Variants in MAPKAP1 observed in about 807,000 individuals in gnomAD.
The protein encoded by MAPKAP1 is target of rapamycin complex 2 subunit MAPKAP1.
A neutral mutation model predicts 65.7 loss-of-function variants in MAPKAP1; 20 were observed. The ratio of observed to expected loss-of-function variants is 0.30; its 90% CI spans 0.21 to 0.44. The LOEUF is 0.44. Ranked by LOEUF, MAPKAP1 falls within the 20% of genes least tolerant of loss-of-function variation. The probability of loss-of-function intolerance (pLI) is 1.00; values close to 1 mark genes in which losing one functional copy is unlikely to be tolerated. For missense variants in MAPKAP1, 423 were observed against 648.0 expected (o/e 0.65, Z 3.77); for synonymous variants, 222 against 244.3 (o/e 0.91, Z 0.85).
intron 7 of MAPKAP1, among the ~76,000 whole-genome samples, chr9:125,523,718 T>C (rs1303633922): frequency 6.6e-6 from 1 of 152,340 alleles, no homozygotes; most frequent in East Asian, 1.9e-4. Flanking sequence ...ATTTTGACAA[T>C]GGGATTTTTA....
chr9:125,629,845 A>G (rs2131681815), intron 4 of MAPKAP1, among the ~76,000 whole-genome samples: 1 of 152,340 alleles, frequency 6.6e-6, no homozygotes, highest in East Asian at 1.9e-4. Flanking sequence ...TACTAGTCGA[A>G]GCAGACAAGG....
chr9:125,637,327 C>T (rs1409393083), intron 4 of MAPKAP1, among the ~76,000 whole-genome samples: 7 of 151,500 alleles, frequency 4.6e-5, no homozygotes, highest in Non-Finnish European at 8.8e-5. Context: ...GATGCACAAG[C>T]GCAGAAGGAA....
chr9:125,648,538 T>C (rs1341766205), intron 4 of MAPKAP1, among the ~76,000 whole-genome samples: 1 of 152,232 alleles, frequency 6.6e-6, no homozygotes, highest in Non-Finnish European at 1.5e-5. Flanking sequence ...AGGAACTGCA[T>C]GGCCAGGACT....
chr9:125,549,757 A>G (rs541442642), intron 6 of MAPKAP1, among the ~76,000 whole-genome samples: 2 of 152,288 alleles, frequency 1.3e-5, no homozygotes, highest in African/African-American at 4.8e-5. Context: ...AGAAAAGAAA[A>G]TAAGACACAG....
chr9:125,561,176 A>C (rs193265473), intron 5 of MAPKAP1, among the ~76,000 whole-genome samples: 3 of 152,264 alleles, frequency 2.0e-5, no homozygotes, highest in Non-Finnish European at 1.5e-5. Flanking sequence ...TTTTGAATTA[A>C]ATGAGTTGAT....
chr9:125,595,375 T>A lies in MAPKAP1; in HGVS notation c.499-9648A>T. ...CTAATACACAGAATGTGAACAGATA[T>A]AGAATTGAAATGTATGTATTTGAAC... On this transcript the variant is annotated intron_variant, in intron 4 of 11. Transcript: ENST00000265960. This position sits in a 1 kb window ranked among gnomAD's most constrained non-coding sequence, Gnocchi z 4.0. The A allele has an allele frequency of 1.6e-5, 4 of 256,224 alleles. No individual in the cohort carries two copies. Among genetic ancestry groups the A allele is most frequent in the Non-Finnish European group, 2.5e-5 (4 of 159,306 alleles). 15.9% of individuals were successfully genotyped at this position (256,224 alleles called of 1,614,324 possible). A position where few individuals can be genotyped will look rare whatever the true frequency, so the allele number is the denominator to read the frequency against.
chr9:125,516,809 T>C (rs1386176996), intron 7 of MAPKAP1, among the ~76,000 whole-genome samples: 1 of 152,238 alleles, frequency 6.6e-6, no homozygotes, highest in Non-Finnish European at 1.5e-5. Flanking sequence ...TGTAACACAA[T>C]GCCTAGCACA....
chr9:125,666,054 T>C (rs1834331706), intron 3 of MAPKAP1, among the ~76,000 whole-genome samples: 1 of 152,334 alleles, frequency 6.6e-6, no homozygotes, highest in Non-Finnish European at 1.5e-5. Context: ...TAATAACTAA[T>C]TATGTACAGA....
Position 125,539,938 on chromosome 9 carries a change from T to C in MAPKAP1, c.958+3121A>G, listed in dbSNP as rs537122419. Among the ~76,000 whole-genome samples, 28 of 152,300 alleles carry C rather than the reference T, an allele frequency of 1.8e-4. No homozygotes were observed. The South Asian group carries it at 5.0e-3, about 27-fold the overall frequency. On this transcript the variant is annotated intron_variant, in intron 7 of 11. Transcript: ENST00000265960. ...AAATAGACCTTAGCAGAGAATTGAC[T>C]GAAACATACTGTGAAAAGACTACTA...
chr9:125,525,907 A>G (rs1209346215), intron 7 of MAPKAP1, among the ~76,000 whole-genome samples: 1 of 152,194 alleles, frequency 6.6e-6, no homozygotes, highest in Non-Finnish European at 1.5e-5. Context: ...TAGAGGAAGC[A>G]TGATCTTCTG....
At chr9:125,650,835 C>T (rs750631226) in intron 4 of MAPKAP1, among the ~76,000 whole-genome samples, 2 of 152,270 alleles carry the variant, frequency 1.3e-5, no homozygotes, top group South Asian at 2.1e-4. Flanking sequence ...TAACTCATTA[C>T]GAACTGACCA....
At chr9:125,479,400 GGAAACCCC>G (rs1854224088) in intron 9 of MAPKAP1, among the ~76,000 whole-genome samples, 1 of 152,026 alleles carries the variant, frequency 6.6e-6, no homozygotes, top group African/African-American at 2.4e-5. Flanking sequence ...ACCAACACGG[GGAAACCCC>G]GTCTCTACTA....
At chr9:125,502,225 C>G (rs894253208) in intron 8 of MAPKAP1, among the ~76,000 whole-genome samples, 3 of 152,072 alleles carry the variant, frequency 2.0e-5, no homozygotes, top group African/African-American at 4.8e-5. Context: ...CCTCAGCCCC[C>G]CTAGCAGCTG....
intron 7 of MAPKAP1, among the ~76,000 whole-genome samples, chr9:125,524,310 T>C (rs1829702584): frequency 6.6e-6 from 1 of 152,208 alleles, no homozygotes; most frequent in African/African-American, 2.4e-5. Flanking sequence ...TATCTCTAAG[T>C]GGGGAATGAT....
chr9:125,469,130 T>C (rs1853800617), intron 9 of MAPKAP1, among the ~76,000 whole-genome samples: 2 of 152,014 alleles, frequency 1.3e-5, no homozygotes. Context: ...ACCTTAAAAG[T>C]AATTAATTTT....
intron 8 of MAPKAP1, among the ~76,000 whole-genome samples, chr9:125,503,820 G>A (rs928892617): frequency 7.0e-6 from 1 of 143,768 alleles, no homozygotes; most frequent in African/African-American, 2.6e-5. Context: ...AGGCCCAAGC[G>A]ATTCTCGTGC....
intron 6 of MAPKAP1, among the ~76,000 whole-genome samples, chr9:125,550,215 T>A (rs183172981): frequency 6.6e-6 from 1 of 152,286 alleles, no homozygotes; most frequent in Admixed American, 6.5e-5. Context: ...AGCATCACAG[T>A]TTTTTTCAAC....
intron 11 of MAPKAP1, among the ~76,000 whole-genome samples, chr9:125,443,471 G>C (rs563357785): frequency 1.3e-5 from 2 of 152,282 alleles, no homozygotes; most frequent in South Asian, 4.2e-4. Context: ...AGGATTCTCT[G>C]CTTGGGAGAG....
chr9:125,699,269 C>G (rs1178329205), intron 1 of MAPKAP1, among the ~76,000 whole-genome samples: 3 of 151,830 alleles, frequency 2.0e-5, no homozygotes, highest in Admixed American at 1.3e-4. Context: ...AGTGCAGGAG[C>G]ACAATCATGG....
Sources: allele counts gnomAD v4.1 joint callset (sites outside exome capture counted in the v4.1 genomes callset), GRCh38; gene constraint gnomAD v4.1.1; non-coding constraint Gnocchi (gnomAD v3.1); transcripts MANE v1.5; gene names NCBI Gene and HGNC (gene_info 2026-07-23, HGNC 2026-07-21).